The following ZMYM4 variants were observed in gnomAD, a reference collection of about 807,000 sequenced individuals.
ZMYM4 encodes the protein zinc finger MYM-type protein 4.
ZMYM4 carries 31 observed loss-of-function variants against 183.2 expected under a neutral mutation model. The ratio of observed to expected loss-of-function variants is 0.17; its 90% CI spans 0.13 to 0.23. ZMYM4 has a LOEUF of 0.23. Among genes scored for constraint, ZMYM4 ranks in the 10% least tolerant of loss-of-function variants. The pLI, the probability that ZMYM4 is intolerant of heterozygous loss-of-function variation, is 1.00. For missense variants in ZMYM4, 1,273 were observed against 1,840.3 expected, an observed-to-expected ratio of 0.69 and a Z score of 5.64; for synonymous variants, 592 against 631.2, an observed-to-expected ratio of 0.94 and a Z score of 0.93.
At position 35,294,006 on chromosome 1, in the gene ZMYM4, G is replaced by A. The variant is rs1376081424; in HGVS notation, c.39+24921G>A. ...AAAAATTAGCTGGGCGTGGTGGCACGCGCCTGCAGTCCCAGCTACTTGGGA... is the reference window on the plus strand; with the variant it reads ...AAAAATTAGCTGGGCGTGGTGGCACACGCCTGCAGTCCCAGCTACTTGGGA... On this transcript the variant is annotated intron_variant, in intron 1 of 29. Transcript: ENST00000314607. Among the ~76,000 whole-genome samples the A allele has an allele frequency of 2.4e-4, 36 of 152,014 alleles. 1 individual carries two copies. Among genetic ancestry groups the A allele is most frequent in the Admixed American group, 3.9e-4 (6 of 15,254 alleles).
chr1:35,271,257 T>A (rs1234849869), intron 1 of ZMYM4, among the ~76,000 whole-genome samples: 1 of 152,184 alleles, frequency 6.6e-6, no homozygotes, highest in Non-Finnish European at 1.5e-5. Context: ...AACATTGATG[T>A]GTGTTGACAA....
chr1:35,337,074 C>G (rs1643003420), intron 2 of ZMYM4, among the ~76,000 whole-genome samples: 1 of 152,088 alleles, frequency 6.6e-6, no homozygotes, highest in South Asian at 2.1e-4. Flanking sequence ...AAACCTCTTT[C>G]TGGGCCGGGC....
intron 1 of ZMYM4, among the ~76,000 whole-genome samples, chr1:35,269,966 G>C (rs933021146): frequency 2.0e-5 from 3 of 152,112 alleles, no homozygotes; most frequent in Non-Finnish European, 4.4e-5. Context: ...TTTGGGAATG[G>C]TTTCAGAAAC....
intron 2 of ZMYM4, among the ~76,000 whole-genome samples, chr1:35,332,285 C>T (rs1642785043): frequency 6.6e-6 from 1 of 151,992 alleles, no homozygotes; most frequent in African/African-American, 2.4e-5. Flanking sequence ...TCTGAATTTG[C>T]ATTCTGATTA....
intron 1 of ZMYM4, among the ~76,000 whole-genome samples, chr1:35,279,070 T>C (rs1181139436): frequency 6.6e-6 from 1 of 152,204 alleles, no homozygotes; most frequent in African/African-American, 2.4e-5. Flanking sequence ...CTCTGCCCTC[T>C]GGGCCCATGG....
intron 1 of ZMYM4, among the ~76,000 whole-genome samples, chr1:35,317,110 G>A (rs1250574164): frequency 2.8e-5 from 4 of 141,740 alleles, no homozygotes; most frequent in East Asian, 2.1e-4. Context: ...GGACAAGAGC[G>A]AGACTTCATC....
At chr1:35,271,595 A>G (rs1254477016) in intron 1 of ZMYM4, among the ~76,000 whole-genome samples, 2 of 151,954 alleles carry the variant, frequency 1.3e-5, no homozygotes, top group Non-Finnish European at 2.9e-5. Context: ...TAAAGATGGG[A>G]TTTTGCCATG....
chr1:35,397,682 T>C (rs1570522878), intron 20 of ZMYM4, 137 bp downstream of exon 20: 1 of 641,298 alleles, frequency 1.6e-6, no homozygotes, highest in Non-Finnish European at 2.3e-6. Flanking sequence ...TGGGGTTGAT[T>C]ACACTTTTTA....
At chr1:35,278,404 G>T (rs1404273628) in intron 1 of ZMYM4, among the ~76,000 whole-genome samples, 1 of 148,622 alleles carries the variant, frequency 6.7e-6, no homozygotes, top group Non-Finnish European at 1.5e-5. Context: ...CAAAAGTCTC[G>T]ACCTATTACA....
chr1:35,318,980 G>A (rs1034658136), intron 1 of ZMYM4, among the ~76,000 whole-genome samples: 3 of 151,962 alleles, frequency 2.0e-5, no homozygotes, highest in Admixed American at 2.0e-4. Flanking sequence ...TCCGCCTCCC[G>A]GGTTCAAGTG....
At chr1:35,317,590 C>T (rs1440335809) in intron 1 of ZMYM4, among the ~76,000 whole-genome samples, 2 of 152,140 alleles carry the variant, frequency 1.3e-5, no homozygotes, top group African/African-American at 4.8e-5. Context: ...AACCGAAGGA[C>T]TTCTTGTTGC....
chr1:35,371,707 C>T (rs1036569335), intron 7 of ZMYM4, among the ~76,000 whole-genome samples: 14 of 152,012 alleles, frequency 9.2e-5, no homozygotes, highest in African/African-American at 2.7e-4. Context: ...TTTGTCTGCC[C>T]GGAGAGGAGA....
chr1:35,352,689 C>G (rs971501947), intron 2 of ZMYM4, among the ~76,000 whole-genome samples: 7 of 152,172 alleles, frequency 4.6e-5, no homozygotes, highest in Non-Finnish European at 7.4e-5. Flanking sequence ...CTATTTTCTT[C>G]GTTAGCTTCT....
In ZMYM4 at chr1:35,355,200, CT is replaced by C. The variant is rs1013941289; in HGVS notation, c.86-3698del. ...AGGTGCCCGTCACCACGCCTGGCTTCTTTTTTTTTTTTTTTTTTTTTTTTTT... is the reference window on the plus strand; with the variant it reads ...AGGTGCCCGTCACCACGCCTGGCTTCTTTTTTTTTTTTTTTTTTTTTTTTT... On this transcript the variant is annotated intron_variant, in intron 2 of 29. Transcript: ENST00000314607. Among the ~76,000 whole-genome samples the C allele has an allele frequency of 6.3e-3, 488 of 77,194 alleles. 2 individuals carry two copies. Among genetic ancestry groups the C allele is most frequent in the African/African-American group, 0.011 (214 of 19,242 alleles). 50.6% of individuals were successfully genotyped at this position (77,194 alleles called of 152,430 possible).
At chr1:35,332,096 T>C (rs998790022) in intron 2 of ZMYM4, among the ~76,000 whole-genome samples, 6 of 152,018 alleles carry the variant, frequency 3.9e-5, no homozygotes, top group Non-Finnish European at 5.9e-5. Flanking sequence ...TATTAAATTA[T>C]ATACATATTT....
intron 5 of ZMYM4, chr1:35,365,999 T>C (rs750374077): frequency 5.9e-5 from 9 of 152,200 alleles, no homozygotes; most frequent in Non-Finnish European, 1.0e-4. Context: ...AAGTTTGCAA[T>C]AGCCATCACA....
At chr1:35,418,620 AT>A in intron 29 of ZMYM4, 48 bp downstream of exon 29, 1 of 1,600,602 alleles carries the variant, frequency 6.2e-7, no homozygotes, top group African/African-American at 1.3e-5. Flanking sequence ...GGCAGTTAAC[AT>A]ATTTTGGATT....
intron 1 of ZMYM4, among the ~76,000 whole-genome samples, chr1:35,299,864 G>A (rs985595737): frequency 6.6e-5 from 10 of 151,270 alleles, no homozygotes; most frequent in Non-Finnish European, 1.5e-4. Context: ...GTGCCATCTC[G>A]GCTCACTGCA....
At chr1:35,351,689 C>A (rs1336854875) in intron 2 of ZMYM4, 8 of 472,358 alleles carry the variant, frequency 1.7e-5, no homozygotes, top group African/African-American at 7.9e-5. Context: ...AAACAGAAAT[C>A]AAAAAAACAA....
Sources: gnomAD v4.1 joint callset for allele counts (sites outside exome capture counted in the v4.1 genomes callset) on GRCh38, gnomAD v4.1.1 for gene constraint, MANE v1.5 for transcripts, NCBI Gene and HGNC (gene_info 2026-07-23, HGNC 2026-07-21) for gene names.